Variants in MTMR7 observed in about 807,000 individuals in gnomAD.
MTMR7 encodes the protein myotubularin related protein 7, also known as phosphatidylinositol-3-phosphate phosphatase MTMR7.
MTMR7 carries 76 observed loss-of-function variants against 81.2 expected under a neutral mutation model. That is an observed-to-expected ratio of 0.94 (90% CI 0.78 to 1.13). The LOEUF is 1.13. Among genes scored for constraint, MTMR7 ranks in the 50% most tolerant of loss-of-function variants. The pLI, the probability that MTMR7 is intolerant of heterozygous loss-of-function variation, is 0.00. For synonymous variants in MTMR7, 372 were observed against 289.8 expected, an observed-to-expected ratio of 1.28 and a Z score of -2.88; for missense variants, 1,044 against 820.0, an observed-to-expected ratio of 1.27 and a Z score of -3.34.
At chr8:17,318,002 A>C (rs139818954) in intron 7 of MTMR7, among the ~76,000 whole-genome samples, 9 of 152,216 alleles carry the variant, frequency 5.9e-5, no homozygotes, top group African/African-American at 2.2e-4. Flanking sequence ...AGAAACAAGA[A>C]ATTCCTTTGG....
At chr8:17,405,986 C>A (rs926879184) in intron 1 of MTMR7, among the ~76,000 whole-genome samples, 1 of 143,914 alleles carries the variant, frequency 6.9e-6, no homozygotes, top group African/African-American at 2.5e-5. Context: ...GCAAATATTT[C>A]TGGATTTATG....
At chr8:17,332,293 A>G (rs1454513763) in intron 6 of MTMR7, among the ~76,000 whole-genome samples, 1 of 152,238 alleles carries the variant, frequency 6.6e-6, no homozygotes, top group Non-Finnish European at 1.5e-5. Flanking sequence ...CTAAGTTTAA[A>G]GTTAAAGACA....
intron 1 of MTMR7, among the ~76,000 whole-genome samples, chr8:17,401,626 G>C (rs1195004951): frequency 2.0e-5 from 3 of 152,162 alleles, no homozygotes; most frequent in Non-Finnish European, 4.4e-5. Flanking sequence ...GGTAGGAATG[G>C]AGGTGCGATA....
In MTMR7 at chr8:17,297,186, T is replaced by C. The variant is rs544825254; in HGVS notation, c.*2676A>G. On this transcript the variant is annotated 3_prime_UTR_variant, in exon 14 of 14. Transcript: ENST00000180173. ...AGAAATCAGAATTAAAGAGGAATAC[T>C]TAGGAGTTACTAGGCTAATCAGTGT... 6.6e-6 allele frequency: 1 copy of C among 152,312 alleles called. No homozygotes were observed. The highest frequency in any genetic ancestry group is 1.9e-4 in the East Asian group (1 of 5,196). 9.4% of individuals were successfully genotyped at this position (152,312 alleles called of 1,614,324 possible). A position where few individuals can be genotyped will look rare whatever the true frequency, so the allele number is the denominator to read the frequency against.
chr8:17,348,688 C>A lies in MTMR7; in HGVS notation c.597+265G>T, dbSNP rs1368226897. Among the ~76,000 whole-genome samples, 3 of 152,176 alleles carry A rather than the reference C, an allele frequency of 2.0e-5. No individual in the cohort carries two copies. The East Asian group carries it at 5.8e-4, about 29-fold the overall frequency. On this transcript the variant is annotated intron_variant, in intron 5 of 13. Transcript: ENST00000180173. ...CAAGGTGCCCACTTAGGACAGTATTCACTTGCATGATTAGCTTTAGGGGTT... is the reference window on the plus strand; with the variant it reads ...CAAGGTGCCCACTTAGGACAGTATTAACTTGCATGATTAGCTTTAGGGGTT...
At chr8:17,370,243 T>G (rs1238787084) in intron 3 of MTMR7, among the ~76,000 whole-genome samples, 1 of 150,552 alleles carries the variant, frequency 6.6e-6, no homozygotes, top group East Asian at 2.0e-4. Flanking sequence ...GCAATGGAGG[T>G]GCAGGCATGG....
At chr8:17,387,329 G>A (rs950777208) in intron 1 of MTMR7, among the ~76,000 whole-genome samples, 2 of 152,310 alleles carry the variant, frequency 1.3e-5, no homozygotes, top group African/African-American at 4.8e-5. Flanking sequence ...CAGGTTACGT[G>A]AAGTACGGAG....
intron 3 of MTMR7, among the ~76,000 whole-genome samples, chr8:17,370,644 C>G (rs1428027906): frequency 6.9e-6 from 1 of 145,688 alleles, no homozygotes; most frequent in East Asian, 2.0e-4. Context: ...AGGGAGAAAA[C>G]TGCGCTAGAA....
Position 17,323,980 on chromosome 8 carries a change from G to A in MTMR7, c.865+7170C>T, listed in dbSNP as rs146517432. 2.4e-3 allele frequency among the ~76,000 whole-genome samples: 360 copies of A among 152,216 alleles called. 2 individuals are homozygous for A. The highest frequency in any genetic ancestry group is 7.9e-3 in the African/African-American group (327 of 41,524). ...TCAGTGCACTGCAAAATAAAACATC[G>A]CTGAGAGAAATATAACTACTATTCT... On this transcript the variant is annotated intron_variant, in intron 7 of 13. Coordinates refer to ENST00000180173, the MANE Select transcript of MTMR7 (RefSeq NM_004686.5).
At chr8:17,349,786 C>A (rs1293410549) in intron 4 of MTMR7, among the ~76,000 whole-genome samples, 2 of 152,186 alleles carry the variant, frequency 1.3e-5, no homozygotes, top group Non-Finnish European at 2.9e-5. Context: ...TCTTTCTACG[C>A]ATTCCTGAGA....
rs1032855734 is a variant in MTMR7, at chr8:17,311,647, C to T, written c.976-11G>A. ...TTCCTCTGACACTGCCTAGAAAACA[C>T]ACGATCCGCAAAGAGTCACAAAGAA... is the stretch of plus-strand genomic sequence containing the variant. On this transcript the variant is annotated splice_polypyrimidine_tract_variant and intron_variant, in intron 8 of 13. Coordinates refer to ENST00000180173, the MANE Select transcript of MTMR7 (RefSeq NM_004686.5). 3 of 1,613,952 alleles carry T rather than the reference C, an allele frequency of 1.9e-6. No individual in the cohort carries two copies. Among genetic ancestry groups the T allele is most frequent in the Non-Finnish European group, 8.5e-7 (1 of 1,179,962 alleles).
In MTMR7 at chr8:17,311,479, G is replaced by A. The variant is rs544388390; in HGVS notation, c.1101+32C>T. The A allele has an allele frequency of 5.3e-5, 86 of 1,613,608 alleles. 1 individual carries two copies. In the South Asian group the frequency reaches 6.7e-4, roughly 13 times the overall value. On this transcript the variant is annotated intron_variant, in intron 9 of 13. Coordinates refer to ENST00000180173, the MANE Select transcript of MTMR7 (RefSeq NM_004686.5). ...GGGGTCCATTCCTGGTCAAGGCACC[G>A]CCTGTGGGAATCGCCCAGTGGCCAC...
rs577497406 is a variant in MTMR7, at chr8:17,345,001, T to TA, written c.598-3505dup. Among the ~76,000 whole-genome samples the TA allele has an allele frequency of 6.0e-4, 91 of 152,176 alleles. 1 individual carries two copies. Among genetic ancestry groups the TA allele is most frequent in the African/African-American group, 2.1e-3 (88 of 41,518 alleles). On this transcript the variant is annotated intron_variant, in intron 5 of 13. Transcript: ENST00000180173. ...TCCTAGCGTAATAAAGAACAAAGGC[T>TA]ATAGCAATTCTAAGAACTCTCAAAG...
At chr8:17,309,581 A>T (rs540084404) in intron 9 of MTMR7, among the ~76,000 whole-genome samples, 3 of 152,328 alleles carry the variant, frequency 2.0e-5, no homozygotes, top group Non-Finnish European at 2.9e-5. Flanking sequence ...AATGCTTCCT[A>T]TGTGCCAGGC....
chr8:17,332,748 C>A (rs140522835), intron 6 of MTMR7, among the ~76,000 whole-genome samples: 118 of 152,214 alleles, frequency 7.8e-4, no homozygotes, highest in African/African-American at 2.6e-3. Flanking sequence ...TGGCATTGGC[C>A]CATGACAAGT....
At chr8:17,316,077 A>C (rs755022409) in intron 7 of MTMR7, among the ~76,000 whole-genome samples, 7 of 152,268 alleles carry the variant, frequency 4.6e-5, no homozygotes, top group African/African-American at 9.6e-5. Context: ...TTTCCTATGA[A>C]GATTGTTAAT....
At chr8:17,387,642 C>T (rs918211832) in intron 1 of MTMR7, among the ~76,000 whole-genome samples, 2 of 152,184 alleles carry the variant, frequency 1.3e-5, no homozygotes, top group Admixed American at 1.3e-4. Flanking sequence ...TAAGTCCTTC[C>T]TCCACATGGG....
intron 1 of MTMR7, among the ~76,000 whole-genome samples, chr8:17,378,621 A>G (rs980752101): frequency 4.6e-5 from 7 of 152,258 alleles, no homozygotes; most frequent in Non-Finnish European, 1.0e-4. Flanking sequence ...TCCCAGGAGC[A>G]CTATGCTTAA....
intron 3 of MTMR7, among the ~76,000 whole-genome samples, chr8:17,363,615 A>T (rs957343740): frequency 1.3e-5 from 2 of 152,132 alleles, no homozygotes; most frequent in Non-Finnish European, 2.9e-5. Flanking sequence ...TTTTAAGGAA[A>T]AGGGTGATCA....
Sources: gnomAD v4.1 joint callset for allele counts (sites outside exome capture counted in the v4.1 genomes callset) on GRCh38, gnomAD v4.1.1 for gene constraint, MANE v1.5 for transcripts, NCBI Gene and HGNC (gene_info 2026-07-23, HGNC 2026-07-21) for gene names.